Variants in GLRA1 observed in about 807,000 individuals in gnomAD.
GLRA1 encodes glycine receptor subunit alpha-1.
GLRA1 carries 37 observed loss-of-function variants against 48.3 expected under a neutral mutation model. That is an observed-to-expected ratio of 0.77 (90% CI 0.59 to 1.01). GLRA1 has a LOEUF of 1.01. GLRA1 is among the 50% of genes least tolerant of loss of function. GLRA1 has a pLI of 0.00. For synonymous variants in GLRA1, 196 were observed against 210.7 expected (o/e 0.93, Z 0.60); for missense variants, 427 against 571.0 (o/e 0.75, Z 2.57).
rs1314979069 is a variant in GLRA1 at position 151,835,613 on chromosome 5, CCAT to C, written c.913-6549_913-6547del. 2.0e-5 allele frequency among the ~76,000 whole-genome samples: 3 copies of C among 152,304 alleles called. No individual in the cohort carries two copies. In the East Asian group the frequency reaches 5.8e-4, roughly 29 times the overall value. On this transcript the variant is annotated intron_variant, in intron 7 of 8. Transcript: ENST00000274576. ...AGCACATCAAAAAGCTTATCCATGA[CCAT>C]CAATTCAGCTTCATCCCTGGGATGC...
chr5:151,909,400 G>T (rs964060640), intron 1 of GLRA1, among the ~76,000 whole-genome samples: 2 of 152,046 alleles, frequency 1.3e-5, no homozygotes, highest in Non-Finnish European at 2.9e-5. Context: ...AGAAGAAGCT[G>T]TTTGGAAGTT....
At chr5:151,860,596 G>C (rs1374339137) in intron 3 of GLRA1, among the ~76,000 whole-genome samples, 2 of 152,220 alleles carry the variant, frequency 1.3e-5, no homozygotes, top group Non-Finnish European at 2.9e-5. Flanking sequence ...GAATTCTGTA[G>C]TGTTCCTGCT....
At chr5:151,848,853 C>T in intron 7 of GLRA1, 2 of 586,244 alleles carry the variant, frequency 3.4e-6, no homozygotes, top group East Asian at 3.8e-5. Context: ...CTTTACCCGC[C>T]CGCCTGCTCA....
At chr5:151,874,131 C>G (rs1753564944) in intron 3 of GLRA1, among the ~76,000 whole-genome samples, 1 of 152,108 alleles carries the variant, frequency 6.6e-6, no homozygotes, top group Non-Finnish European at 1.5e-5. Context: ...TTGGTTGATT[C>G]TGTGTGGCAC....
intron 7 of GLRA1, among the ~76,000 whole-genome samples, chr5:151,842,918 C>A (rs1330809078): frequency 6.6e-6 from 1 of 151,978 alleles, no homozygotes; most frequent in African/African-American, 2.4e-5. Context: ...GATGAACATA[C>A]AAAAATCAAT....
chr5:151,911,687 G>A (rs1250152769), intron 1 of GLRA1, among the ~76,000 whole-genome samples: 1 of 136,488 alleles, frequency 7.3e-6, no homozygotes, highest in Admixed American at 8.1e-5. Flanking sequence ...CTCAATGCAA[G>A]CTCCACCTCC....
chr5:151,827,553 A>G (rs769725866), intron 8 of GLRA1, among the ~76,000 whole-genome samples: 3 of 152,184 alleles, frequency 2.0e-5, no homozygotes, highest in Non-Finnish European at 4.4e-5. Context: ...CATTTTGCAC[A>G]TGAAGAACCT....
chr5:151,913,330 T>TAC (rs1274016427), intron 1 of GLRA1, among the ~76,000 whole-genome samples: 4 of 152,190 alleles, frequency 2.6e-5, no homozygotes, highest in Admixed American at 2.6e-4. Flanking sequence ...GTGTGTCTTT[T>TAC]ACACCAGAGT....
intron 2 of GLRA1, 84 bp from the exon 3 acceptor site, chr5:151,886,872 C>T: frequency 1.0e-6 from 1 of 985,900 alleles, no homozygotes; most frequent in Non-Finnish European, 1.6e-6. Context: ...ACACTGACTT[C>T]TGGAATGGAT....
chr5:151,837,531 T>A (rs1197239493), intron 7 of GLRA1, among the ~76,000 whole-genome samples: 2 of 152,224 alleles, frequency 1.3e-5, no homozygotes, highest in African/African-American at 4.8e-5. Context: ...ATTGCAGCAC[T>A]GTTCACAATA....
chr5:151,886,552 A>G (rs1256160524), intron 3 of GLRA1, among the ~76,000 whole-genome samples, 169 bp downstream of exon 3: 12 of 152,218 alleles, frequency 7.9e-5, no homozygotes, highest in South Asian at 2.1e-4. Flanking sequence ...TTCACTCAAA[A>G]CATTTAATGT....
intron 7 of GLRA1, chr5:151,850,453 C>G: frequency 9.1e-7 from 1 of 1,093,294 alleles, no homozygotes; most frequent in East Asian, 2.4e-5. Flanking sequence ...AGCACCAAGG[C>G]CATGTGGGAG....
intron 8 of GLRA1, among the ~76,000 whole-genome samples, chr5:151,824,503 G>A (rs1561544305): frequency 6.6e-6 from 1 of 152,278 alleles, no homozygotes; most frequent in East Asian, 1.9e-4. Context: ...TCTATCTGGT[G>A]TTCTATGCTT....
At chr5:151,863,409 T>C (rs1753253526) in intron 3 of GLRA1, among the ~76,000 whole-genome samples, 1 of 151,936 alleles carries the variant, frequency 6.6e-6, no homozygotes, top group African/African-American at 2.4e-5. Context: ...GGTGACAGAG[T>C]GAGACCCTGT....
chr5:151,852,828 T>C (rs1752946225), intron 6 of GLRA1, among the ~76,000 whole-genome samples: 1 of 152,226 alleles, frequency 6.6e-6, no homozygotes, highest in African/African-American at 2.4e-5. Context: ...TTTGGATATG[T>C]ATCTAGAAGT....
chr5:151,921,776 CA>C (rs1174541345), intron 1 of GLRA1, among the ~76,000 whole-genome samples: 3 of 152,164 alleles, frequency 2.0e-5, no homozygotes, highest in Non-Finnish European at 4.4e-5. Flanking sequence ...TAAGGGAAAA[CA>C]TTTAGGTTAT....
intron 1 of GLRA1, among the ~76,000 whole-genome samples, chr5:151,909,598 T>C (rs977365850): frequency 6.6e-6 from 1 of 152,238 alleles, no homozygotes; most frequent in Non-Finnish European, 1.5e-5. Context: ...ATTTTTAATT[T>C]GATTTTTAGT....
chr5:151,897,333 A>T (rs1467276439), intron 1 of GLRA1, among the ~76,000 whole-genome samples: 1 of 152,192 alleles, frequency 6.6e-6, no homozygotes, highest in Non-Finnish European at 1.5e-5. Flanking sequence ...TTCCCGGTTA[A>T]CTTAAGCATT....
chr5:151,892,466 G>GTTAA, intron 1 of GLRA1, 28 bp from the exon 2 acceptor site: 1 of 1,612,682 alleles, frequency 6.2e-7, no homozygotes, highest in South Asian at 1.1e-5. Context: ...AGAGCAAAAG[G>GTTAA]TTAATGATGG....
Sources: allele counts gnomAD v4.1 joint callset (sites outside exome capture counted in the v4.1 genomes callset), GRCh38; gene constraint gnomAD v4.1.1; transcripts MANE v1.5; gene names NCBI Gene and HGNC (gene_info 2026-07-23, HGNC 2026-07-21).